RBFOX1: variants seen among roughly 807,000 people sequenced by gnomAD.
RBFOX1 encodes the protein RNA binding fox-1 homolog 1.
A neutral mutation model predicts 57.7 loss-of-function variants in RBFOX1; 8 were observed. The observed-to-expected ratio is 0.14, with a 90% CI of 0.08 to 0.25. RBFOX1 has a LOEUF of 0.25. RBFOX1 is among the 10% of genes least tolerant of loss of function. RBFOX1 has a pLI of 1.00. For missense variants in RBFOX1, 611 were observed against 548.5 expected (o/e 1.11, Z -1.14); for synonymous variants, 326 against 222.4 (o/e 1.47, Z -4.15).
chr16:5,253,738 A>G lies in RBFOX1; in HGVS notation c.219+13633A>G, dbSNP rs1326209985. 6.6e-5 allele frequency among the ~76,000 whole-genome samples: 10 copies of G among 152,318 alleles called. No individual in the cohort carries two copies. In the East Asian group the frequency reaches 1.9e-3, roughly 29 times the overall value. On this transcript the variant is annotated intron_variant, in intron 1 of 2. Coordinates refer to the RBFOX1 transcript ENST00000585867. ...TATGAGGTGGGTGCTGTGATTATCC[A>G]CATGTTCATTTGCTCTCTCTGGCCT...
At chr16:5,510,380 C>T (rs2043540775) in intron 2 of RBFOX1, among the ~76,000 whole-genome samples, 1 of 152,170 alleles carries the variant, frequency 6.6e-6, no homozygotes, top group Admixed American at 6.5e-5. Flanking sequence ...TTGTGTCTCT[C>T]ATCCATTTGG....
chr16:6,067,374 AC>A (rs1308921832), intron 1 of RBFOX1, among the ~76,000 whole-genome samples: 1 of 35,242 alleles, frequency 2.8e-5, no homozygotes, highest in East Asian at 1.3e-3. Context: ...AGAGGCAAAA[AC>A]AAACCAACCA....
intron 1 of RBFOX1, among the ~76,000 whole-genome samples, chr16:5,394,182 C>T (rs982615575): frequency 6.6e-6 from 1 of 152,070 alleles, no homozygotes; most frequent in Non-Finnish European, 1.5e-5. Flanking sequence ...CACTACCGTA[C>T]CCGGCTAATT....
Position 7,253,292 on chromosome 16 carries a change from C to G in RBFOX1, c.27+201194C>G, listed in dbSNP as rs144855751. ...AAATCATTCTGTCAGTTCTGTGGAG[C>G]TATTCAGAAATTCGTGTTGATGTCA... On this transcript the variant is annotated intron_variant, in intron 4 of 15. Transcript: ENST00000550418. Among the ~76,000 whole-genome samples, 7 of 152,310 alleles carry G rather than the reference C, an allele frequency of 4.6e-5. No homozygotes were observed. The East Asian group carries it at 1.4e-3, about 29-fold the overall frequency.
chr16:7,495,519 G>T (rs2068330179), intron 4 of RBFOX1, among the ~76,000 whole-genome samples: 1 of 152,154 alleles, frequency 6.6e-6, no homozygotes, highest in East Asian at 1.9e-4. Flanking sequence ...ATTTTGACTG[G>T]TGCGAGATGG....
At chr16:6,582,460 A>ACTT (rs1567765783) in intron 2 of RBFOX1, among the ~76,000 whole-genome samples, 1 of 11,624 alleles carries the variant, frequency 8.6e-5, no homozygotes, top group East Asian at 4.0e-3. Context: ...TGTTAGCGCC[A>ACTT]ATTTTTTTTT....
chr16:6,770,290 A>G (rs2154211204), intron 3 of RBFOX1, among the ~76,000 whole-genome samples: 1 of 152,290 alleles, frequency 6.6e-6, no homozygotes, highest in Non-Finnish European at 1.5e-5. Flanking sequence ...ACTTGACCAA[A>G]TCCAGTAGCA....
chr16:5,490,148 T>G (rs187226885), intron 2 of RBFOX1, among the ~76,000 whole-genome samples: 11 of 152,310 alleles, frequency 7.2e-5, no homozygotes, highest in Admixed American at 6.5e-4. Context: ...TATTTTCCCC[T>G]TCTTTCTGTG....
chr16:5,956,535 G>A (rs754134564), intron 4 of RBFOX1, among the ~76,000 whole-genome samples: 46 of 151,322 alleles, frequency 3.0e-4, no homozygotes, highest in Non-Finnish European at 6.0e-4. Flanking sequence ...TCCTCTCTGA[G>A]ATTCTGATTA....
intron 4 of RBFOX1, among the ~76,000 whole-genome samples, chr16:7,273,389 C>A (rs1032184356): frequency 2.0e-5 from 3 of 152,024 alleles, no homozygotes; most frequent in African/African-American, 7.3e-5. Flanking sequence ...GACTGATATT[C>A]TGGATAATGG....
intron 4 of RBFOX1, among the ~76,000 whole-genome samples, chr16:7,148,389 A>T (rs1046314421): frequency 1.2e-4 from 18 of 152,160 alleles, no homozygotes; most frequent in African/African-American, 4.3e-4. Context: ...GCATTAACCA[A>T]CACTCCCCTC....
At chr16:5,575,918 A>G (rs1596323458) in intron 2 of RBFOX1, among the ~76,000 whole-genome samples, 2 of 151,320 alleles carry the variant, frequency 1.3e-5, no homozygotes, top group African/African-American at 4.8e-5. Context: ...GCATGTTTGC[A>G]CTTAGAAGTG....
intron 2 of RBFOX1, among the ~76,000 whole-genome samples, chr16:6,322,616 C>T (rs1438721045): frequency 1.3e-5 from 2 of 152,090 alleles, no homozygotes; most frequent in Non-Finnish European, 2.9e-5. Flanking sequence ...TATTTTAGAA[C>T]CTGGGTTTCA....
At chr16:5,780,606 C>A (rs7187203) in intron 3 of RBFOX1, among the ~76,000 whole-genome samples, 46,182 of 151,676 alleles carry the variant, frequency 0.3, 7,408 homozygotes, top group East Asian at 0.55. Context: ...TGTTGAATTT[C>A]CTGGGGAGAC....
chr16:6,529,653 G>C (rs75398241), intron 2 of RBFOX1, among the ~76,000 whole-genome samples: 2,637 of 152,006 alleles, frequency 0.017, 60 homozygotes, highest in African/African-American at 0.055. Flanking sequence ...ATGGTATGAA[G>C]TAAGATACTA....
intron 3 of RBFOX1, among the ~76,000 whole-genome samples, chr16:6,978,792 C>T (rs1318677648): frequency 6.6e-6 from 1 of 152,240 alleles, no homozygotes; most frequent in African/African-American, 2.4e-5. Flanking sequence ...AGTTCATGCT[C>T]TGTGGCTACA....
At chr16:7,035,594 G>T (rs75868001) in intron 3 of RBFOX1, among the ~76,000 whole-genome samples, 1 of 151,798 alleles carries the variant, frequency 6.6e-6, no homozygotes, top group Non-Finnish European at 1.5e-5. Flanking sequence ...CTGCGTTGTT[G>T]GTTTATTATT....
chr16:6,423,346 C>G (rs1205181003), intron 2 of RBFOX1, among the ~76,000 whole-genome samples: 1 of 152,186 alleles, frequency 6.6e-6, no homozygotes, highest in South Asian at 2.1e-4. Flanking sequence ...GGCCTGTAAT[C>G]CCAGCGCTTT....
intron 1 of RBFOX1, among the ~76,000 whole-genome samples, chr16:5,314,103 C>A (rs1481137686): frequency 6.6e-6 from 1 of 152,226 alleles, no homozygotes; most frequent in South Asian, 2.1e-4. Context: ...CTCATGAGAC[C>A]CTCTTGACAA....
Sources: gnomAD v4.1 joint callset for allele counts (sites outside exome capture counted in the v4.1 genomes callset) on GRCh38, gnomAD v4.1.1 for gene constraint, MANE v1.5 for transcripts, NCBI Gene and HGNC (gene_info 2026-07-23, HGNC 2026-07-21) for gene names.